CSMD3: variants seen among roughly 807,000 people sequenced by gnomAD.
CSMD3 encodes CUB and sushi domain-containing protein 3.
CSMD3 carries 177 observed loss-of-function variants against 435.2 expected under a neutral mutation model. The ratio of observed to expected loss-of-function variants is 0.41; its 90% CI spans 0.36 to 0.46. The LOEUF (loss-of-function observed/expected upper bound fraction) is 0.46. CSMD3 is among the 20% of genes least tolerant of loss of function. CSMD3 has a pLI of 0.34. For missense variants in CSMD3, 4,265 were observed against 4,504.6 expected, an observed-to-expected ratio of 0.95 and a Z score of 1.52; for synonymous variants, 1,656 against 1,520.5, an observed-to-expected ratio of 1.09 and a Z score of -2.07.
At position 112,947,862 on chromosome 8, in the gene CSMD3, A is replaced by G. The variant is rs1257923104; in HGVS notation, c.1436T>C (p.Ile479Thr). 1 of 1,491,272 alleles carries G rather than the reference A, an allele frequency of 6.7e-7. No homozygotes were observed. The highest frequency in any genetic ancestry group is 1.7e-5 in the Admixed American group (1 of 59,564). 92.4% of individuals were successfully genotyped at this position (1,491,272 alleles called of 1,614,324 possible). The change falls in exon 9 of 71, where the codon ATT (isoleucine) becomes ACT (threonine). Residue 479 changes from isoleucine (I) to threonine (T), a missense_variant. By Grantham distance (89) the Ile-to-Thr change is moderately conservative. This residue lies in a region of CSMD3 where 731 missense variants were observed against 755.4 expected (regional missense o/e 0.97). Coordinates refer to ENST00000297405, the MANE Select transcript of CSMD3 (RefSeq NM_198123.2). ...TGGGCATAAATTGGAAGCTGTTTTAATACCTCCCTCATTTACTGCAACAGC... is the reference window on the plus strand; with the variant it reads ...TGGGCATAAATTGGAAGCTGTTTTAGTACCTCCCTCATTTACTGCAACAGC... ...NKFSILNEGG[I>T]KTASNLCPDP...
intron 2 of CSMD3, among the ~76,000 whole-genome samples, chr8:113,303,443 C>T (rs1222482483): frequency 8.6e-5 from 13 of 151,822 alleles, no homozygotes; most frequent in Non-Finnish European, 1.6e-4. Context: ...AAAAAGAGCC[C>T]GCATCACCAA....
At chr8:113,258,611 A>G (rs1352054528) in intron 3 of CSMD3, among the ~76,000 whole-genome samples, 1 of 152,008 alleles carries the variant, frequency 6.6e-6, no homozygotes, top group African/African-American at 2.4e-5. Context: ...TATTATTGCT[A>G]TATTATGTTT....
intron 31 of CSMD3, among the ~76,000 whole-genome samples, chr8:112,490,625 C>A (rs985298630): frequency 2.0e-5 from 3 of 151,844 alleles, no homozygotes; most frequent in Non-Finnish European, 4.4e-5. Flanking sequence ...TTTTTTGTGT[C>A]CTTTGATATT....
chr8:112,622,531 A>G (rs1162641980), intron 22 of CSMD3, among the ~76,000 whole-genome samples: 2 of 152,150 alleles, frequency 1.3e-5, no homozygotes, highest in Non-Finnish European at 2.9e-5. Flanking sequence ...TCCAGTCCTT[A>G]TCTTCTTAGA....
intron 12 of CSMD3, among the ~76,000 whole-genome samples, chr8:112,823,577 TAC>T (rs936909369): frequency 3.9e-5 from 6 of 152,170 alleles, no homozygotes; most frequent in Non-Finnish European, 8.8e-5. Context: ...TTTCATTATT[TAC>T]CCAGGAGTCA....
At chr8:113,108,746 C>T (rs985423514) in intron 4 of CSMD3, among the ~76,000 whole-genome samples, 2 of 151,914 alleles carry the variant, frequency 1.3e-5, no homozygotes, top group Non-Finnish European at 2.9e-5. Flanking sequence ...TTTCATATAC[C>T]TAGGAATGAA....
At chr8:112,664,866 T>C (rs989767856) in intron 17 of CSMD3, among the ~76,000 whole-genome samples, 15 of 152,236 alleles carry the variant, frequency 9.9e-5, no homozygotes, top group African/African-American at 3.6e-4. Flanking sequence ...CCTCCAGAAA[T>C]GTGAGAAAAT....
chr8:112,493,039 C>A (rs747521451), intron 30 of CSMD3, among the ~76,000 whole-genome samples: 2 of 152,034 alleles, frequency 1.3e-5, no homozygotes, highest in Admixed American at 1.3e-4. Context: ...TTTTATGGAC[C>A]TTTAAGACAT....
intron 67 of CSMD3, 36 bp downstream of exon 67, chr8:112,237,154 T>A (rs781448646): frequency 6.3e-7 from 1 of 1,598,272 alleles, no homozygotes; most frequent in African/African-American, 1.3e-5. Flanking sequence ...AATAAAGTCA[T>A]GAAGGTATAT....
intron 22 of CSMD3, among the ~76,000 whole-genome samples, chr8:112,628,064 G>T (rs1834636176): frequency 6.6e-6 from 1 of 152,154 alleles, no homozygotes; most frequent in South Asian, 2.1e-4. Flanking sequence ...AATCCCAAGT[G>T]AATAAGAATT....
At chr8:112,357,218 T>C (rs1300577164) in intron 38 of CSMD3, among the ~76,000 whole-genome samples, 4 of 152,106 alleles carry the variant, frequency 2.6e-5, no homozygotes, top group Admixed American at 6.6e-5. Context: ...GTGACTCTTG[T>C]TATGTTTTAG....
At chr8:112,596,724 G>A (rs923371037) in intron 22 of CSMD3, among the ~76,000 whole-genome samples, 24 of 152,048 alleles carry the variant, frequency 1.6e-4, no homozygotes, top group Admixed American at 1.3e-3. Flanking sequence ...ACTCAAAACC[G>A]CTCAACTAGA....
chr8:113,229,129 T>A (rs1433272719), intron 3 of CSMD3, among the ~76,000 whole-genome samples: 4 of 151,624 alleles, frequency 2.6e-5, no homozygotes, highest in South Asian at 2.1e-4. Flanking sequence ...GACAGACATA[T>A]CAACAATTTT....
chr8:113,419,587 G>A (rs2094599834), intron 1 of CSMD3, among the ~76,000 whole-genome samples: 3 of 152,072 alleles, frequency 2.0e-5, no homozygotes. Flanking sequence ...CCTTGGGTCT[G>A]GAGTGCAGCT....
At chr8:113,153,101 A>AAAGAAAGAAAAGAAAGAAAG (rs35085690) in intron 4 of CSMD3, among the ~76,000 whole-genome samples, 1 of 99,994 alleles carries the variant, frequency 1.0e-5, no homozygotes, top group African/African-American at 4.7e-5. Flanking sequence ...AGAAAGAAAG[A>AAAGAAAGAAAAGAAAGAAAG]AAAGAAAGAA....
intron 12 of CSMD3, among the ~76,000 whole-genome samples, chr8:112,807,677 T>G (rs2079125240): frequency 6.6e-6 from 1 of 152,176 alleles, no homozygotes; most frequent in South Asian, 2.1e-4. Context: ...TCCTGTCAGA[T>G]CAGTAACCAT....
At chr8:112,294,127 G>C (rs1820037743) in intron 54 of CSMD3, among the ~76,000 whole-genome samples, 1 of 151,964 alleles carries the variant, frequency 6.6e-6, no homozygotes, top group South Asian at 2.1e-4. Flanking sequence ...TTCATTGTCA[G>C]CTAGATATTC....
At chr8:112,403,618 A>C (rs945673363) in intron 35 of CSMD3, among the ~76,000 whole-genome samples, 14 of 152,014 alleles carry the variant, frequency 9.2e-5, no homozygotes, top group Admixed American at 2.6e-4. Context: ...AAGGCTGAAT[A>C]TGCTTCCTCA....
intron 6 of CSMD3, among the ~76,000 whole-genome samples, chr8:113,016,361 T>C (rs919956044): frequency 6.6e-6 from 1 of 151,934 alleles, no homozygotes; most frequent in African/African-American, 2.4e-5. Flanking sequence ...GAAGCTAGCA[T>C]ATAACATAAC....
Sources: allele counts gnomAD v4.1 joint callset (sites outside exome capture counted in the v4.1 genomes callset), GRCh38; gene constraint gnomAD v4.1.1; regional missense constraint gnomAD v4.1.1; transcripts MANE v1.5; gene names NCBI Gene and HGNC (gene_info 2026-07-23, HGNC 2026-07-21).